OPRM1: variants seen among roughly 807,000 people sequenced by gnomAD.
OPRM1 encodes opioid receptor mu 1, also known as mu-type opioid receptor.
Under a neutral mutation model 31.8 loss-of-function variants are expected in OPRM1, and 27 were observed. The ratio of observed to expected loss-of-function variants is 0.85; its 90% CI spans 0.63 to 1.17. The LOEUF (loss-of-function observed/expected upper bound fraction) is 1.17, where lower values mean the gene tolerates loss of function less well. OPRM1 is among the 50% of genes most tolerant of loss of function. OPRM1 has a pLI of 0.00. For synonymous variants in OPRM1, 196 were observed against 189.9 expected, an observed-to-expected ratio of 1.03 and a Z score of -0.26; for missense variants, 536 against 511.1, an observed-to-expected ratio of 1.05 and a Z score of -0.47.
intron 1 of OPRM1, among the ~76,000 whole-genome samples, chr6:154,073,254 A>C (rs2128457009): frequency 6.6e-6 from 1 of 152,320 alleles, no homozygotes; most frequent in South Asian, 2.1e-4. Flanking sequence ...CCACAGTGGT[A>C]GCAGGCATGT....
At chr6:154,138,598 G>C (rs1798121150) in intron 3 of OPRM1, among the ~76,000 whole-genome samples, 1 of 152,178 alleles carries the variant, frequency 6.6e-6, no homozygotes, top group Admixed American at 6.5e-5. Context: ...GACAGAGAAA[G>C]AGGTCCAACT....
Position 154,142,346 on chromosome 6 carries a change from G to A in OPRM1, c.1164+50874G>A, listed in dbSNP as rs545532939. Among the ~76,000 whole-genome samples, 7 of 56,128 alleles carry A rather than the reference G, an allele frequency of 1.2e-4. No homozygotes were observed. The East Asian group carries it at 2.4e-3, about 20-fold the overall frequency. The allele number at this position is 56,128 out of a possible 152,430, so 36.8% of individuals were successfully genotyped here. A position where few individuals can be genotyped will look rare whatever the true frequency, so the allele number is the denominator to read the frequency against. On this transcript the variant is annotated intron_variant, in intron 3 of 3. Coordinates refer to the OPRM1 transcript ENST00000337049. ...TCAGCAGCTTCCAATAAGATCTCAG[G>A]AACTGGGTGACTGGGCTCGACCATG...
intron 1 of OPRM1, among the ~76,000 whole-genome samples, chr6:154,047,278 C>T (rs1450251089): frequency 1.3e-5 from 2 of 151,690 alleles, no homozygotes; most frequent in South Asian, 2.1e-4. Context: ...CTGGGAGGCC[C>T]AAGCAAAAGG....
chr6:154,182,027 A>G (rs971289284), intron 3 of OPRM1, among the ~76,000 whole-genome samples: 7 of 152,206 alleles, frequency 4.6e-5, no homozygotes, highest in South Asian at 2.1e-4. Flanking sequence ...ACATCTGCGC[A>G]TGTATCCCAG....
chr6:154,066,000 AC>A (rs1785319562), intron 1 of OPRM1, among the ~76,000 whole-genome samples: 1 of 152,112 alleles, frequency 6.6e-6, no homozygotes, highest in Non-Finnish European at 1.5e-5. Context: ...TTTAACAAAT[AC>A]TTTTTCTGAA....
intron 3 of OPRM1, among the ~76,000 whole-genome samples, chr6:154,244,748 A>G (rs925895787): frequency 6.6e-6 from 1 of 152,210 alleles, no homozygotes; most frequent in African/African-American, 2.4e-5. Flanking sequence ...CTTCCTTTAA[A>G]TTCTATGAAG....
Position 154,132,274 on chromosome 6 carries a change from T to G in OPRM1, c.*13553T>G, listed in dbSNP as rs1035154652. On this transcript the variant is annotated 3_prime_UTR_variant, in exon 4 of 4. Transcript: ENST00000330432. ...CTTGATGTACCAGCATACATAAACATATTAGGCTGTATTGTAAGTTTCCTG... is the reference window on the plus strand; with the variant it reads ...CTTGATGTACCAGCATACATAAACAGATTAGGCTGTATTGTAAGTTTCCTG... Among the ~76,000 whole-genome samples the G allele has an allele frequency of 1.3e-5, 2 of 152,232 alleles. No individual in the cohort carries two copies. Among genetic ancestry groups the G allele is most frequent in the African/African-American group, 4.8e-5 (2 of 41,460 alleles).
chr6:154,067,370 AT>A (rs1785654620), intron 1 of OPRM1, among the ~76,000 whole-genome samples: 1 of 151,674 alleles, frequency 6.6e-6, no homozygotes, highest in African/African-American at 2.4e-5. Context: ...ATCTCTAAGT[AT>A]TTTCTAAGTT....
In OPRM1 at chr6:154,189,934, A is replaced by T. The variant is rs1801717704; in HGVS notation, c.1165-56759A>T. On this transcript the variant is annotated intron_variant, in intron 3 of 3. Coordinates refer to the OPRM1 transcript ENST00000337049. ...ACTCCAGCCTGGGCGACAGAGTAAG[A>T]CTCAGTCTCAAAAAAAAAAGAAACA... Among the ~76,000 whole-genome samples, 3 of 148,542 alleles carry T rather than the reference A, an allele frequency of 2.0e-5. No homozygotes were observed. The South Asian group carries it at 6.6e-4, about 33-fold the overall frequency.
In OPRM1 at chr6:154,107,792, T is replaced by C. The variant is rs769921473; in HGVS notation, c.1165-10891T>C. ...TTGCTGACCAACTTGCCGGGTCGTC[T>C]TGAAAAGGGGGCTTACAGGTGTTCC... On this transcript the variant is annotated intron_variant, in intron 3 of 3. Transcript: ENST00000330432. 3.6e-5 allele frequency: 26 copies of C among 718,316 alleles called. No individual in the cohort carries two copies. The South Asian group carries it at 3.7e-4, about 10-fold the overall frequency. 44.5% of individuals were successfully genotyped at this position (718,316 alleles called of 1,614,324 possible). A position where few individuals can be genotyped will look rare whatever the true frequency, so the allele number is the denominator to read the frequency against.
chr6:154,182,338 A>T (rs1488235204), intron 3 of OPRM1, among the ~76,000 whole-genome samples: 1 of 152,124 alleles, frequency 6.6e-6, no homozygotes, highest in Non-Finnish European at 1.5e-5. Context: ...GATAAGAACA[A>T]TCCTAGTCTA....
In OPRM1 at chr6:154,069,715, G is replaced by A. The variant is rs556259103; in HGVS notation, c.291-20111G>A. 2.0e-5 allele frequency among the ~76,000 whole-genome samples: 3 copies of A among 152,232 alleles called. No individual in the cohort carries two copies. The South Asian group carries it at 6.2e-4, about 32-fold the overall frequency. On this transcript the variant is annotated intron_variant, in intron 1 of 3. Coordinates refer to ENST00000330432, the MANE Select transcript of OPRM1 (RefSeq NM_000914.5). ...GATAAGGGTCTCATTTTATTCTGCT[G>A]CACGTGGAAATCCAGTTTTCCCAAC... is the stretch of plus-strand genomic sequence containing the variant.
intron 1 of OPRM1, among the ~76,000 whole-genome samples, chr6:154,050,257 AAGGAAGTT>A (rs1781929114): frequency 6.6e-6 from 1 of 152,198 alleles, no homozygotes; most frequent in South Asian, 2.1e-4. Flanking sequence ...ACTCAAAACA[AAGGAAGTT>A]AGTATATCAA....
chr6:154,115,579 C>G (rs639855), intron 3 of OPRM1, among the ~76,000 whole-genome samples: 1 of 151,990 alleles, frequency 6.6e-6, no homozygotes, highest in Non-Finnish European at 1.5e-5. Context: ...AGAGTTGGAC[C>G]CTTCCTTCTC....
intron 1 of OPRM1, among the ~76,000 whole-genome samples, chr6:154,070,697 A>G (rs1236131102): frequency 6.6e-6 from 1 of 152,236 alleles, no homozygotes; most frequent in African/African-American, 2.4e-5. Context: ...CAGTTCTCAG[A>G]TTTATATATC....
intron 3 of OPRM1, chr6:154,199,562 A>G: frequency 7.7e-7 from 1 of 1,293,670 alleles, no homozygotes; most frequent in Non-Finnish European, 1.0e-6. Flanking sequence ...TAATTATTGA[A>G]TCATCATTCA....
chr6:154,099,282 CGAAAGGAAGGAAGGAAGGAAGGAA>C (rs571327155), intron 3 of OPRM1, among the ~76,000 whole-genome samples: 17,511 of 101,210 alleles, frequency 0.17, 1,279 homozygotes, highest in Admixed American at 0.32. Context: ...GAGAGTCTGT[CGAAAGGAAGGAAGGAAGGAAGGAA>C]GAAAGGAAGG....
intron 1 of OPRM1, among the ~76,000 whole-genome samples, chr6:154,058,557 C>A (rs1477314611): frequency 6.6e-6 from 1 of 152,108 alleles, no homozygotes; most frequent in African/African-American, 2.4e-5. Context: ...AAAAGTAACA[C>A]TTTAGTAAAT....
chr6:154,077,459 G>T (rs761574515), intron 1 of OPRM1, among the ~76,000 whole-genome samples: 1 of 151,198 alleles, frequency 6.6e-6, no homozygotes, highest in Non-Finnish European at 1.5e-5. Context: ...GGCCGTGTAT[G>T]GTGGCTCACG....
Sources: allele counts gnomAD v4.1 joint callset (sites outside exome capture counted in the v4.1 genomes callset), GRCh38; gene constraint gnomAD v4.1.1; transcripts MANE v1.5; gene names NCBI Gene and HGNC (gene_info 2026-07-23, HGNC 2026-07-21).